The following NECTIN3 variants were observed in gnomAD, a reference collection of about 807,000 sequenced individuals.
NECTIN3 encodes the protein nectin-3.
Under a neutral mutation model 49.4 loss-of-function variants are expected in NECTIN3, and 8 were observed. The ratio of observed to expected loss-of-function variants is 0.16; its 90% CI spans 0.10 to 0.29. NECTIN3 has a LOEUF of 0.29. Ranked by LOEUF, NECTIN3 falls within the 10% of genes least tolerant of loss-of-function variation. The pLI, the probability that NECTIN3 is intolerant of heterozygous loss-of-function variation, is 1.00. For synonymous variants in NECTIN3, 277 were observed against 241.1 expected, an observed-to-expected ratio of 1.15 and a Z score of -1.38; for missense variants, 581 against 654.6, an observed-to-expected ratio of 0.89 and a Z score of 1.23.
chr3:111,112,514 T>A, intron 2 of NECTIN3, 143 bp downstream of exon 2: 1 of 619,292 alleles, frequency 1.6e-6, no homozygotes. Flanking sequence ...AAGATCCTTC[T>A]TAAAATTTAT....
chr3:111,105,109 TC>T (rs2033114311), intron 1 of NECTIN3, among the ~76,000 whole-genome samples: 1 of 151,656 alleles, frequency 6.6e-6, no homozygotes, highest in Non-Finnish European at 1.5e-5. Flanking sequence ...CATCTTTTTT[TC>T]TTTTTTGTTT....
At chr3:111,084,224 T>C (rs779039014) in intron 1 of NECTIN3, among the ~76,000 whole-genome samples, 7 of 151,368 alleles carry the variant, frequency 4.6e-5, no homozygotes, top group Non-Finnish European at 5.9e-5. Flanking sequence ...TCTTTAGCGA[T>C]ATAAGTGATA....
chr3:111,081,674 C>T (rs1273178441), intron 1 of NECTIN3, among the ~76,000 whole-genome samples: 1 of 152,136 alleles, frequency 6.6e-6, no homozygotes, highest in Non-Finnish European at 1.5e-5. Context: ...TGGAAGAAGA[C>T]TTAGAGGAGC....
intron 7 of NECTIN3, among the ~76,000 whole-genome samples, chr3:111,183,585 A>T (rs1308744752): frequency 6.6e-6 from 1 of 152,114 alleles, no homozygotes; most frequent in Non-Finnish European, 1.5e-5. Context: ...AAGTGCTGGG[A>T]TTACAGGCGT....
intron 7 of NECTIN3, among the ~76,000 whole-genome samples, chr3:111,184,071 A>G (rs1012992989): frequency 1.3e-5 from 2 of 152,122 alleles, no homozygotes; most frequent in East Asian, 3.9e-4. Flanking sequence ...GTATTGATAG[A>G]TTCTGCCTTT....
Position 111,072,005 on chromosome 3 carries a change from G to A in NECTIN3, c.-13G>A. 1 of 1,485,800 alleles carries A rather than the reference G, an allele frequency of 6.7e-7. No homozygotes were observed. Among genetic ancestry groups the A allele is most frequent in the Non-Finnish European group, 9.0e-7 (1 of 1,116,486 alleles). The allele number at this position is 1,485,800 out of a possible 1,614,324, so 92.0% of individuals were successfully genotyped here. A position where few individuals can be genotyped will look rare whatever the true frequency, so the allele number is the denominator to read the frequency against. Reference sequence around the variant, plus strand: ...GGGGCGGGCGGGCGAGCGGGCCGGGGGGAGGGTGGGGGATGGCGCGGACCC... The same window carrying A: ...GGGGCGGGCGGGCGAGCGGGCCGGGAGGAGGGTGGGGGATGGCGCGGACCC... On this transcript the variant is annotated 5_prime_UTR_variant, in exon 1 of 6. Coordinates refer to ENST00000485303, the MANE Select transcript of NECTIN3 (RefSeq NM_015480.3).
chr3:111,104,923 G>A (rs569237245), intron 1 of NECTIN3, among the ~76,000 whole-genome samples: 106 of 152,230 alleles, frequency 7.0e-4, no homozygotes, highest in African/African-American at 2.2e-3. Flanking sequence ...ATTTGATTGT[G>A]TTAAATCTGT....
chr3:111,152,286 T>A (rs2035015599), intron 7 of NECTIN3, among the ~76,000 whole-genome samples: 1 of 151,896 alleles, frequency 6.6e-6, no homozygotes. Context: ...AGTAAATGTA[T>A]TTATAGTTTT....
intron 7 of NECTIN3, among the ~76,000 whole-genome samples, chr3:111,152,071 T>G (rs2035010884): frequency 6.6e-6 from 1 of 151,908 alleles, no homozygotes; most frequent in Admixed American, 6.6e-5. Context: ...TGGAGATCTT[T>G]TATTATTGAG....
intron 7 of NECTIN3, among the ~76,000 whole-genome samples, chr3:111,176,864 A>AT (rs1432625103): frequency 6.6e-6 from 1 of 152,080 alleles, no homozygotes; most frequent in Non-Finnish European, 1.5e-5. Flanking sequence ...GGAAAAATAG[A>AT]TTGTTGGTAA....
chr3:111,128,442 T>A (rs1162842322), intron 5 of NECTIN3, among the ~76,000 whole-genome samples: 2 of 152,202 alleles, frequency 1.3e-5, no homozygotes, highest in Non-Finnish European at 2.9e-5. Flanking sequence ...AGTGCAGTGT[T>A]CAGTACTCTT....
intron 7 of NECTIN3, among the ~76,000 whole-genome samples, chr3:111,179,337 G>A (rs1020528016): frequency 6.6e-6 from 1 of 152,124 alleles, no homozygotes; most frequent in African/African-American, 2.4e-5. Flanking sequence ...CAGTCCAGCT[G>A]GCACAGGTTT....
At chr3:111,175,383 C>T (rs1447282361) in intron 7 of NECTIN3, among the ~76,000 whole-genome samples, 1 of 151,640 alleles carries the variant, frequency 6.6e-6, no homozygotes, top group Non-Finnish European at 1.5e-5. Context: ...CTCTTCTACC[C>T]AGTGTCTTCT....
At chr3:111,175,310 T>G (rs767739335) in intron 7 of NECTIN3, among the ~76,000 whole-genome samples, 20 of 151,766 alleles carry the variant, frequency 1.3e-4, no homozygotes, top group Non-Finnish European at 2.2e-4. Context: ...AACAGGAATG[T>G]TGTCCCCATT....
rs10667346 is a variant in NECTIN3, at chr3:111,077,344, T to TAAA, written c.160+5184_160+5186dup. The TAAA allele has an allele frequency of 5.0e-4, 40 of 80,312 alleles. 1 individual carries two copies. The highest frequency in any genetic ancestry group is 2.5e-3 in the South Asian group (6 of 2,386). 5.0% of individuals were successfully genotyped at this position (80,312 alleles called of 1,614,324 possible). A position where few individuals can be genotyped will look rare whatever the true frequency, so the allele number is the denominator to read the frequency against. On this transcript the variant is annotated intron_variant, in intron 1 of 5. Transcript: ENST00000485303. ...AAAACTTTGGTTTCAACTTTAATGG[T>TAAA]AAAAAAAAAAAAAAAAAAAGATCAA...
intron 1 of NECTIN3, among the ~76,000 whole-genome samples, chr3:111,085,188 C>G: frequency 6.6e-6 from 1 of 152,216 alleles, no homozygotes; most frequent in Non-Finnish European, 1.5e-5. Context: ...ATCTTAAATA[C>G]ATCTGTGGAC....
chr3:111,108,423 A>G (rs1325003350), intron 1 of NECTIN3, among the ~76,000 whole-genome samples: 2 of 152,102 alleles, frequency 1.3e-5, no homozygotes, highest in Non-Finnish European at 2.9e-5. Context: ...CCACAACAGT[A>G]TCTCCCAATA....
At chr3:111,123,975 C>A (rs1436497922) in intron 4 of NECTIN3, among the ~76,000 whole-genome samples, 1 of 152,094 alleles carries the variant, frequency 6.6e-6, no homozygotes, top group Non-Finnish European at 1.5e-5. Context: ...CTGTTGAATT[C>A]TGCCTCCTGT....
chr3:111,115,807 T>G (rs2033668427), intron 2 of NECTIN3, among the ~76,000 whole-genome samples: 1 of 152,226 alleles, frequency 6.6e-6, no homozygotes, highest in African/African-American at 2.4e-5. Context: ...AGACAAGAAC[T>G]ATTACAGAGG....
Sources: gnomAD v4.1 joint callset for allele counts (sites outside exome capture counted in the v4.1 genomes callset) on GRCh38, gnomAD v4.1.1 for gene constraint, MANE v1.5 for transcripts, NCBI Gene and HGNC (gene_info 2026-07-23, HGNC 2026-07-21) for gene names.